UNC79: variants seen among roughly 807,000 people sequenced by gnomAD.
UNC79 encodes protein unc-79 homolog.
UNC79 carries 37 observed loss-of-function variants against 283.1 expected under a neutral mutation model. The ratio of observed to expected loss-of-function variants is 0.13; its 90% confidence interval spans 0.10 to 0.17. The LOEUF (loss-of-function observed/expected upper bound fraction) is 0.17, where lower values mean the gene tolerates loss of function less well. UNC79 is among the 10% of genes least tolerant of loss of function. The probability of loss-of-function intolerance (pLI) is 1.00; values close to 1 mark genes in which losing one functional copy is unlikely to be tolerated. For synonymous variants in UNC79, 1,107 were observed against 1,200.2 expected (o/e 0.92, Z 1.61); for missense variants, 2,272 against 3,211.1 (o/e 0.71, Z 7.07).
At chr14:93,489,380 A>G (rs8016162) in intron 5 of UNC79, among the ~76,000 whole-genome samples, 152,005 of 152,328 alleles carry the variant, frequency 1, 75,847 homozygotes, top group Middle Eastern at 1. Flanking sequence ...ATGAACTCAA[A>G]AGTCCAAAGT....
chr14:93,594,299 T>G (rs1017492949), intron 23 of UNC79, among the ~76,000 whole-genome samples: 2 of 152,152 alleles, frequency 1.3e-5, no homozygotes, highest in East Asian at 3.9e-4. Context: ...AGACAGAGTC[T>G]TGCTGTGTTG....
intron 14 of UNC79, 133 bp from the exon 15 acceptor site, chr14:93,571,761 A>G: frequency 1.2e-6 from 1 of 834,668 alleles, no homozygotes; most frequent in South Asian, 2.5e-5. Context: ...CTCACACTGA[A>G]GATTCTTGGC....
At chr14:93,511,892 T>C (rs912319227) in intron 7 of UNC79, among the ~76,000 whole-genome samples, 15 of 152,334 alleles carry the variant, frequency 9.8e-5, no homozygotes, top group African/African-American at 3.6e-4. Flanking sequence ...ATTTAATTTT[T>C]TCTTCTTTTT....
At chr14:93,476,186 A>C (rs1427479970) in intron 3 of UNC79, among the ~76,000 whole-genome samples, 3 of 152,186 alleles carry the variant, frequency 2.0e-5, no homozygotes, top group East Asian at 1.9e-4. Flanking sequence ...GAGCCGCTGC[A>C]CTAAGACCGG....
chr14:93,497,431 T>A, intron 7 of UNC79, 145 bp downstream of exon 7: 1 of 1,222,046 alleles, frequency 8.2e-7, no homozygotes, highest in Non-Finnish European at 1.1e-6. Flanking sequence ...TGAAACTAAG[T>A]GGTTTAAAGA....
intron 26 of UNC79, among the ~76,000 whole-genome samples, chr14:93,609,999 G>A (rs560384312): frequency 3.3e-5 from 5 of 152,254 alleles, no homozygotes; most frequent in African/African-American, 7.2e-5. Flanking sequence ...TTCAGGGAAA[G>A]CAGCAAACTT....
chr14:93,560,136 G>A (rs368210600), intron 14 of UNC79, among the ~76,000 whole-genome samples: 10 of 151,972 alleles, frequency 6.6e-5, no homozygotes, highest in African/African-American at 1.9e-4. Flanking sequence ...GAAGGTACAA[G>A]GTTTGAATAA....
chr14:93,449,254 T>C (rs997760092), intron 1 of UNC79, among the ~76,000 whole-genome samples: 3 of 152,184 alleles, frequency 2.0e-5, no homozygotes, highest in Admixed American at 2.0e-4. Context: ...CTGTCCTCTT[T>C]CCAGAATCCT....
intron 1 of UNC79, among the ~76,000 whole-genome samples, chr14:93,357,978 T>C (rs1259851725): frequency 7.4e-6 from 1 of 135,768 alleles, no homozygotes; most frequent in African/African-American, 2.9e-5. Context: ...TATATATAGA[T>C]ATATATCTCT....
intron 1 of UNC79, among the ~76,000 whole-genome samples, chr14:93,417,217 G>C (rs915940914): frequency 1.3e-5 from 2 of 151,654 alleles, no homozygotes; most frequent in Admixed American, 6.6e-5. Context: ...GGCAGGCCTG[G>C]TGGTGACAAA....
intron 7 of UNC79, among the ~76,000 whole-genome samples, chr14:93,509,700 G>T: frequency 6.6e-6 from 1 of 152,126 alleles, no homozygotes; most frequent in East Asian, 1.9e-4. Context: ...GCCTTGGGCA[G>T]CTCTGCCCCT....
chr14:93,338,624 C>T (rs912061168), intron 1 of UNC79, among the ~76,000 whole-genome samples: 9 of 152,160 alleles, frequency 5.9e-5, no homozygotes, highest in South Asian at 4.2e-4. Flanking sequence ...AAGACTTGAA[C>T]GGCTGAGTGC....
At chr14:93,648,316 C>A (rs982990133) in intron 35 of UNC79, among the ~76,000 whole-genome samples, 37 of 152,032 alleles carry the variant, frequency 2.4e-4, no homozygotes, top group African/African-American at 8.5e-4. Context: ...TTTGAGGACC[C>A]CTCTGGCTTC....
At chr14:93,589,323 G>T (rs749223910) in intron 22 of UNC79, among the ~76,000 whole-genome samples, 15 of 152,094 alleles carry the variant, frequency 9.9e-5, no homozygotes, top group South Asian at 2.1e-4. Flanking sequence ...GTGATGAAAC[G>T]GTTGTCTCTG....
chr14:93,449,446 G>A (rs1350618021), intron 1 of UNC79, among the ~76,000 whole-genome samples: 1 of 151,944 alleles, frequency 6.6e-6, no homozygotes, highest in Non-Finnish European at 1.5e-5. Context: ...ATACAGAAAT[G>A]ATTATCAAAA....
chr14:93,621,447 C>A lies in UNC79; in HGVS notation c.4388-174C>A, dbSNP rs1458099956. Among the ~76,000 whole-genome samples the A allele has an allele frequency of 1.3e-5, 2 of 152,174 alleles. No individual in the cohort carries two copies. Among genetic ancestry groups the A allele is most frequent in the African/African-American group, 4.8e-5 (2 of 41,438 alleles). On this transcript the variant is annotated intron_variant, in intron 29 of 48. Coordinates refer to ENST00000555664, the Ensembl canonical transcript of UNC79. This position sits in a 1 kb window ranked among gnomAD's most constrained non-coding sequence, Gnocchi z 4.8. ...TTGGTTTCTTTCATTCGTAAATTTT[C>A]CAGTTTTTGAAATTAGAACGAACCT... is the stretch of plus-strand genomic sequence containing the variant.
At chr14:93,640,407 T>TC (rs1483270366) in intron 32 of UNC79, among the ~76,000 whole-genome samples, 1 of 152,182 alleles carries the variant, frequency 6.6e-6, no homozygotes, top group Non-Finnish European at 1.5e-5. Flanking sequence ...GGTGGGAGGA[T>TC]CCCTTGAGCC....
rs576259862 is a variant in UNC79, at chr14:93,570,187, G to A, written c.1756-1707G>A. Among the ~76,000 whole-genome samples, 266 of 152,256 alleles carry A rather than the reference G, an allele frequency of 1.7e-3. 2 individuals carry two copies. The highest frequency in any genetic ancestry group is 6.0e-3 in the African/African-American group (250 of 41,544). ...TGGTCTTGAACTCCTGGCCTCAGGC[G>A]ATCTTTTTGCCTCAGCCTAGAACAG... is the stretch of plus-strand genomic sequence containing the variant. On this transcript the variant is annotated intron_variant, in intron 14 of 48. Transcript: ENST00000555664.
intron 42 of UNC79, among the ~76,000 whole-genome samples, chr14:93,683,133 G>GTT (rs1345801085): frequency 1.3e-4 from 19 of 145,082 alleles, no homozygotes; most frequent in African/African-American, 3.8e-4. Context: ...ACTAAACTAT[G>GTT]TTTTTTTTTT....
Sources: gnomAD v4.1 joint callset for allele counts (sites outside exome capture counted in the v4.1 genomes callset) on GRCh38, gnomAD v4.1.1 for gene constraint, Gnocchi (gnomAD v3.1) non-coding constraint, MANE v1.5 for transcripts, NCBI Gene and HGNC (gene_info 2026-07-23, HGNC 2026-07-21) for gene names.